SPATA13: variants seen among roughly 807,000 people sequenced by gnomAD.
SPATA13 encodes the protein spermatogenesis associated 13, also known as spermatogenesis-associated protein 13.
Under a neutral mutation model 104.0 loss-of-function variants are expected in SPATA13, and 50 were observed. The ratio of observed to expected loss-of-function variants is 0.48; its 90% CI spans 0.38 to 0.61. The LOEUF (loss-of-function observed/expected upper bound fraction) is 0.61, where lower values mean the gene tolerates loss of function less well. SPATA13 is among the 20% of genes least tolerant of loss of function. SPATA13 has a pLI of 0.00. For synonymous variants in SPATA13, 606 were observed against 667.5 expected, an observed-to-expected ratio of 0.91 and a Z score of 1.42; for missense variants, 1,524 against 1,690.6, an observed-to-expected ratio of 0.90 and a Z score of 1.73.
intron 1 of SPATA13, among the ~76,000 whole-genome samples, chr13:24,214,583 C>A (rs577562668): frequency 6.6e-6 from 1 of 152,222 alleles, no homozygotes; most frequent in East Asian, 1.9e-4. Flanking sequence ...AGCAAAGAAC[C>A]CTGACCCCAA....
Position 24,174,683 on chromosome 13 carries a change from T to C in SPATA13, c.-112+13751T>C, listed in dbSNP as rs371535457. ...CCTCCGCCTCCCAGGTTCAAGCTAT[T>C]CTCCTGCCTCAGTCTCCCAAGTAGC... is the stretch of plus-strand genomic sequence containing the variant. On this transcript the variant is annotated intron_variant, in intron 1 of 12. Coordinates refer to ENST00000382108, the MANE Select transcript of SPATA13 (RefSeq NM_001166271.3). 9.5e-4 allele frequency among the ~76,000 whole-genome samples: 144 copies of C among 152,290 alleles called. 1 individual carries two copies. Among genetic ancestry groups the C allele is most frequent in the African/African-American group, 3.0e-3 (125 of 41,554 alleles).
At chr13:24,297,875 A>C (rs1876904929) in intron 11 of SPATA13, 140 bp downstream of exon 11, 2 of 1,013,572 alleles carry the variant, frequency 2.0e-6, no homozygotes, top group African/African-American at 1.6e-5. Context: ...GGGATCTGCA[A>C]ACCCTAAATA....
chr13:24,068,273 C>A (rs760747481), intron 3 of SPATA13, among the ~76,000 whole-genome samples: 27 of 152,144 alleles, frequency 1.8e-4, no homozygotes, highest in Non-Finnish European at 3.7e-4. Flanking sequence ...GTTTTCTGTT[C>A]CTGCTAGTTT....
chr13:24,167,302 G>A (rs914634447), intron 1 of SPATA13, among the ~76,000 whole-genome samples: 2 of 152,204 alleles, frequency 1.3e-5, no homozygotes, highest in Admixed American at 6.5e-5. Flanking sequence ...ATGAATGCTC[G>A]TTCAGTGTTG....
rs58724994 is a variant in SPATA13, at chr13:24,199,132, G to A, written c.-111-23687G>A. Among the ~76,000 whole-genome samples, 585 of 152,008 alleles carry A rather than the reference G, an allele frequency of 3.8e-3. 20 individuals are homozygous for A. In the East Asian group the frequency reaches 0.086, roughly 22 times the overall value. On this transcript the variant is annotated intron_variant, in intron 1 of 12. Coordinates refer to ENST00000382108, the MANE Select transcript of SPATA13 (RefSeq NM_001166271.3). ...TCGAACTCCTGAGCTCAAGCGATCC[G>A]CCCGTCTTGGCCTTCCAAAGTTCTG...
chr13:24,008,952 G>A (rs954025755), intron 2 of SPATA13, among the ~76,000 whole-genome samples: 6 of 152,202 alleles, frequency 3.9e-5, no homozygotes, highest in South Asian at 2.1e-4. Flanking sequence ...GGCTGCTCTT[G>A]CCAAACAGAA....
Position 24,224,466 on chromosome 13 carries a change from C to G in SPATA13, c.1537C>G (p.Pro513Ala). Residue 513 changes from proline (P) to alanine (A), a missense_variant, in exon 2 of 13, where the codon CCA becomes GCA. Physicochemically the swap from Pro to Ala is conservative, Grantham distance 27. Coordinates refer to ENST00000382108, the MANE Select transcript of SPATA13 (RefSeq NM_001166271.3). ...GGCAGAAGAGCCTGCTCAGAGAGAGCCAGGGCCTGTGTCCTTGCAGGATCC... is the reference window on the plus strand; with the variant it reads ...GGCAGAAGAGCCTGCTCAGAGAGAGGCAGGGCCTGTGTCCTTGCAGGATCC... ...GRAEEPAQRE[P>A]GPVSLQDPLE... The G allele has an allele frequency of 6.4e-7, 1 of 1,551,374 alleles. No homozygotes were observed. The highest frequency in any genetic ancestry group is 8.7e-7 in the Non-Finnish European group (1 of 1,146,998).
At chr13:24,219,381 C>T (rs1281520315) in intron 1 of SPATA13, among the ~76,000 whole-genome samples, 1 of 152,162 alleles carries the variant, frequency 6.6e-6, no homozygotes, top group Non-Finnish European at 1.5e-5. Context: ...CAATTAGAAA[C>T]CCCAATTTTT....
rs375804682 is a variant in SPATA13, at chr13:24,116,387, C to T, written c.-112+98686C>T. On this transcript the variant is annotated intron_variant, in intron 3 of 14. Coordinates refer to the SPATA13 transcript ENST00000424834. ...TAACTGCAGCTGCCATCCTCCAAGA[C>T]GGGAGACACAGAATTGGGGGACATA... is the stretch of plus-strand genomic sequence containing the variant. Among the ~76,000 whole-genome samples the T allele has an allele frequency of 4.5e-4, 69 of 152,276 alleles. No individual in the cohort carries two copies. In the East Asian group the frequency reaches 0.01, roughly 23 times the overall value.
At chr13:24,153,288 C>T (rs1333729638) in intron 3 of SPATA13, among the ~76,000 whole-genome samples, 3 of 152,228 alleles carry the variant, frequency 2.0e-5, no homozygotes, top group Admixed American at 1.3e-4. Flanking sequence ...CCCCATTTTC[C>T]ACCTGCAGTC....
At chr13:24,287,517 A>G (rs1196521366) in intron 7 of SPATA13, among the ~76,000 whole-genome samples, 1 of 152,194 alleles carries the variant, frequency 6.6e-6, no homozygotes, top group Non-Finnish European at 1.5e-5. Context: ...TCCTGAGATT[A>G]TTTGAAAAGA....
At position 24,040,105 on chromosome 13, in the gene SPATA13, G is replaced by A. The variant is rs145866902; in HGVS notation, c.-112+22404G>A. ...AGTTCCTCTAAAACTTCCACTAAAG[G>A]CCATTCAGCAGAAATCCCCCAAACA... On this transcript the variant is annotated intron_variant, in intron 3 of 14. Transcript: ENST00000424834. Among the ~76,000 whole-genome samples the A allele has an allele frequency of 5.6e-4, 85 of 152,302 alleles. 1 individual carries two copies. The East Asian group carries it at 0.016, about 29-fold the overall frequency.
intron 3 of SPATA13, among the ~76,000 whole-genome samples, chr13:24,056,705 C>T (rs1878557596): frequency 6.6e-6 from 1 of 152,146 alleles, no homozygotes; most frequent in Non-Finnish European, 1.5e-5. Context: ...GCTGTGAATA[C>T]ATGATACATA....
intron 3 of SPATA13, among the ~76,000 whole-genome samples, chr13:24,100,919 A>G (rs911699525): frequency 6.6e-6 from 1 of 152,218 alleles, no homozygotes; most frequent in Admixed American, 6.5e-5. Context: ...TTCTCTTGAT[A>G]TAAATCTTCA....
chr13:24,061,664 G>A (rs1435034969), intron 3 of SPATA13, among the ~76,000 whole-genome samples: 1 of 152,096 alleles, frequency 6.6e-6, no homozygotes, highest in Non-Finnish European at 1.5e-5. Context: ...TAGGAGCTTA[G>A]TGATGAGAAC....
chr13:24,072,663 CCAT>C (rs1879204410), intron 3 of SPATA13, among the ~76,000 whole-genome samples: 1 of 152,098 alleles, frequency 6.6e-6, no homozygotes, highest in Non-Finnish European at 1.5e-5. Flanking sequence ...GCCTTCTGGG[CCAT>C]CACCAGTGAC....
At chr13:24,273,553 C>A (rs938522880) in intron 4 of SPATA13, among the ~76,000 whole-genome samples, 86 of 152,264 alleles carry the variant, frequency 5.6e-4, no homozygotes, top group African/African-American at 2.1e-3. Context: ...GAACATGAAA[C>A]ATATTTCATA....
intron 1 of SPATA13, among the ~76,000 whole-genome samples, chr13:24,175,055 T>A (rs551407477): frequency 6.6e-6 from 1 of 152,280 alleles, no homozygotes; most frequent in South Asian, 2.1e-4. Context: ...TTTGTTGAGG[T>A]TTGTATGGCC....
chr13:24,059,687 G>A (rs1253880985), intron 3 of SPATA13, among the ~76,000 whole-genome samples: 1 of 152,180 alleles, frequency 6.6e-6, no homozygotes, highest in African/African-American at 2.4e-5. Flanking sequence ...AGTGATTCTT[G>A]CACACTGATT....
Sources: gnomAD v4.1 joint callset for allele counts (sites outside exome capture counted in the v4.1 genomes callset) on GRCh38, gnomAD v4.1.1 for gene constraint, MANE v1.5 for transcripts, NCBI Gene and HGNC (gene_info 2026-07-23, HGNC 2026-07-21) for gene names.